ADAMTSL1: variants seen among roughly 807,000 people sequenced by gnomAD.
ADAMTSL1 encodes ADAMTS-like protein 1.
Under a neutral mutation model 201.8 loss-of-function variants are expected in ADAMTSL1, and 126 were observed. The observed-to-expected ratio is 0.62, with a 90% confidence interval of 0.54 to 0.72. The LOEUF is 0.72. Ranked by LOEUF, ADAMTSL1 falls within the 30% of genes least tolerant of loss-of-function variation. The pLI is 0.00. For synonymous variants in ADAMTSL1, 1,121 were observed against 903.4 expected (o/e 1.24, Z -4.32); for missense variants, 2,679 against 2,277.8 (o/e 1.18, Z -3.59).
rs375749779 is a variant in ADAMTSL1 at position 18,850,873 on chromosome 9, G to A, written c.4249+20896G>A. ...AGCCAATCTCAGGTAAATTAAGCAA[G>A]AAAAAGGAAAGAGTATCTGCCCACC... On this transcript the variant is annotated intron_variant, in intron 23 of 28. Transcript: ENST00000380548. Among the ~76,000 whole-genome samples, 265 of 152,288 alleles carry A rather than the reference G, an allele frequency of 1.7e-3. 5 individuals carry two copies. In the South Asian group the frequency reaches 0.054, roughly 31 times the overall value.
rs1186013850 is a variant in ADAMTSL1, at chr9:18,829,922, G to T, written c.4194G>T (p.Leu1398=). 6.2e-7 allele frequency: 1 copy of T among 1,613,880 alleles called. No homozygotes were observed. Among genetic ancestry groups the T allele is most frequent in the African/African-American group, 1.3e-5 (1 of 75,024 alleles). ...CTGGACCGAACCTTCCTTCAGTGCT[G>T]ACGTCTCCTCTGGGAACACAGCTGG... The part of the protein sequence containing the change: ...AATGPNLPSV[L]TSPLGTQLVL... The change falls in exon 23 of 29, where the codon CTG becomes CTT. Residue 1398 remains leucine (L), a synonymous_variant. Transcript: ENST00000380548.
At chr9:18,225,182 T>C (rs561425097) in intron 2 of ADAMTSL1, among the ~76,000 whole-genome samples, 1 of 152,162 alleles carries the variant, frequency 6.6e-6, no homozygotes, top group Non-Finnish European at 1.5e-5. Flanking sequence ...CATTTTGTGT[T>C]TTTCTTCTGC....
At chr9:17,963,694 T>C (rs114124373) in intron 1 of ADAMTSL1, among the ~76,000 whole-genome samples, 1,862 of 152,270 alleles carry the variant, frequency 0.012, 35 homozygotes, top group African/African-American at 0.043. Flanking sequence ...GTAGTGCAGA[T>C]TGAGATTCAA....
intron 2 of ADAMTSL1, among the ~76,000 whole-genome samples, chr9:18,169,277 T>C (rs546716017): frequency 6.6e-6 from 1 of 152,050 alleles, no homozygotes; most frequent in South Asian, 2.1e-4. Flanking sequence ...TTTAAGTCTT[T>C]AATCCATCTT....
At chr9:18,554,362 A>G (rs1820979540) in intron 3 of ADAMTSL1, among the ~76,000 whole-genome samples, 1 of 151,388 alleles carries the variant, frequency 6.6e-6, no homozygotes, top group African/African-American at 2.4e-5. Flanking sequence ...CTCATGTTTT[A>G]TGTTATCCTT....
intron 4 of ADAMTSL1, among the ~76,000 whole-genome samples, chr9:18,605,994 A>G (rs1452176633): frequency 6.6e-6 from 1 of 152,122 alleles, no homozygotes; most frequent in Non-Finnish European, 1.5e-5. Flanking sequence ...CCTTTCTGAC[A>G]CTGCGTGGTA....
chr9:18,896,869 G>A (rs1054426931), intron 26 of ADAMTSL1, among the ~76,000 whole-genome samples: 1 of 152,058 alleles, frequency 6.6e-6, no homozygotes, highest in Non-Finnish European at 1.5e-5. Flanking sequence ...AATCCCAGCA[G>A]ACAAGCAGCA....
intron 1 of ADAMTSL1, among the ~76,000 whole-genome samples, chr9:18,478,033 A>G (rs1821543240): frequency 6.6e-6 from 1 of 152,178 alleles, no homozygotes; most frequent in African/African-American, 2.4e-5. Context: ...GTATTTGTGC[A>G]TTTGTATGTT....
intron 1 of ADAMTSL1, among the ~76,000 whole-genome samples, chr9:18,025,357 A>C (rs997188135): frequency 6.6e-6 from 1 of 152,092 alleles, no homozygotes; most frequent in African/African-American, 2.4e-5. Context: ...ATTACTTGCT[A>C]GGTTTTCTTC....
At chr9:18,840,393 A>G (rs1330292508) in intron 23 of ADAMTSL1, among the ~76,000 whole-genome samples, 5 of 152,132 alleles carry the variant, frequency 3.3e-5, no homozygotes, top group Admixed American at 3.3e-4. Flanking sequence ...CCATTGATCT[A>G]TATCTCTGTT....
At chr9:18,006,777 C>T (rs1819846274) in intron 1 of ADAMTSL1, among the ~76,000 whole-genome samples, 1 of 151,962 alleles carries the variant, frequency 6.6e-6, no homozygotes, top group Non-Finnish European at 1.5e-5. Flanking sequence ...TTCTTAGCTG[C>T]ATACTTACAT....
At chr9:18,106,522 G>A (rs528202869) in intron 1 of ADAMTSL1, among the ~76,000 whole-genome samples, 1 of 152,304 alleles carries the variant, frequency 6.6e-6, no homozygotes, top group South Asian at 2.1e-4. Context: ...AATAAGCAGG[G>A]CATACTATTG....
chr9:18,240,425 C>T (rs1831018558), intron 2 of ADAMTSL1, among the ~76,000 whole-genome samples: 1 of 151,156 alleles, frequency 6.6e-6, no homozygotes, highest in South Asian at 2.1e-4. Flanking sequence ...GAGCTGTCAT[C>T]CAGGCTTTGT....
At chr9:18,007,201 C>T (rs370227640) in intron 1 of ADAMTSL1, among the ~76,000 whole-genome samples, 52 of 152,098 alleles carry the variant, frequency 3.4e-4, no homozygotes, top group African/African-American at 1.2e-3. Context: ...AACTCCTTTT[C>T]CATACAAATT....
intron 2 of ADAMTSL1, among the ~76,000 whole-genome samples, chr9:18,440,858 T>A (rs1308048226): frequency 6.6e-6 from 1 of 152,168 alleles, no homozygotes; most frequent in Non-Finnish European, 1.5e-5. Flanking sequence ...GAGCTATTAA[T>A]ATTTTAGCAA....
chr9:18,655,673 T>A (rs1172414524), intron 7 of ADAMTSL1, among the ~76,000 whole-genome samples: 1 of 151,792 alleles, frequency 6.6e-6, no homozygotes, highest in African/African-American at 2.4e-5. Flanking sequence ...AAAAACCTCA[T>A]CTCTTTGAAT....
chr9:18,803,159 G>T (rs762096012), intron 20 of ADAMTSL1, among the ~76,000 whole-genome samples: 34 of 152,220 alleles, frequency 2.2e-4, no homozygotes, highest in Non-Finnish European at 2.8e-4. Flanking sequence ...TCATCAAGAT[G>T]TCAACAGGCT....
At chr9:18,052,716 CT>C (rs771174949) in intron 1 of ADAMTSL1, among the ~76,000 whole-genome samples, 118 of 151,810 alleles carry the variant, frequency 7.8e-4, no homozygotes, top group Admixed American at 2.6e-3. Context: ...CATCATCATT[CT>C]TTTTTATTTT....
At chr9:18,144,814 G>A (rs1052817687) in intron 1 of ADAMTSL1, among the ~76,000 whole-genome samples, 18 of 152,112 alleles carry the variant, frequency 1.2e-4, no homozygotes, top group African/African-American at 4.3e-4. Context: ...ATTCAGGTGA[G>A]TACTCCTGCC....
Sources: allele counts gnomAD v4.1 joint callset (sites outside exome capture counted in the v4.1 genomes callset), GRCh38; gene constraint gnomAD v4.1.1; transcripts MANE v1.5; gene names NCBI Gene and HGNC (gene_info 2026-07-23, HGNC 2026-07-21).